The following CPED1 variants were observed in gnomAD, a reference collection of about 807,000 sequenced individuals.
CPED1 encodes cadherin like and PC-esterase domain containing 1, also known as cadherin-like and PC-esterase domain-containing protein 1.
In CPED1, 114 loss-of-function variants were observed where a neutral mutation model predicts 128.2. The observed-to-expected ratio is 0.89, with a 90% CI of 0.76 to 1.04. CPED1 has a LOEUF of 1.04. CPED1 is among the 50% of genes least tolerant of loss of function. The pLI, the probability that CPED1 is intolerant of heterozygous loss-of-function variation, is 0.00. For synonymous variants in CPED1, 462 were observed against 426.7 expected, an observed-to-expected ratio of 1.08 and a Z score of -1.02; for missense variants, 1,211 against 1,207.1, an observed-to-expected ratio of 1.00 and a Z score of -0.05.
At chr7:121,026,827 C>CTT (rs71170219) in intron 3 of CPED1, among the ~76,000 whole-genome samples, 16,596 of 83,012 alleles carry the variant, frequency 0.2, 1,886 homozygotes, top group Non-Finnish European at 0.23. Context: ...CCTGTCAGTT[C>CTT]TTTTTTTTTT....
chr7:121,129,315 A>ATATATATATATGCG (rs1795600517), intron 11 of CPED1, among the ~76,000 whole-genome samples: 1 of 95,886 alleles, frequency 1.0e-5, no homozygotes, highest in African/African-American at 4.4e-5. Context: ...ATATATACGT[A>ATATATATATATGCG]TATATATATA....
intron 16 of CPED1, among the ~76,000 whole-genome samples, chr7:121,226,715 T>C (rs1480232477): frequency 6.6e-6 from 1 of 152,240 alleles, no homozygotes; most frequent in Non-Finnish European, 1.5e-5. Flanking sequence ...TTTACATAAA[T>C]TGCTCTCTTC....
chr7:121,076,080 T>C (rs1794117959), intron 5 of CPED1, among the ~76,000 whole-genome samples: 2 of 152,126 alleles, frequency 1.3e-5, no homozygotes, highest in Non-Finnish European at 2.9e-5. Flanking sequence ...GTCCCTAATA[T>C]ATAATAGTCA....
chr7:121,012,667 T>G (rs986636241), intron 2 of CPED1, among the ~76,000 whole-genome samples: 2 of 152,226 alleles, frequency 1.3e-5, no homozygotes, highest in African/African-American at 4.8e-5. Flanking sequence ...ATTGGGCCAT[T>G]CTGCTGATAC....
In CPED1 at chr7:121,296,584, A is replaced by G. The variant is rs938806258; in HGVS notation, c.*932A>G. 6.6e-6 allele frequency: 1 copy of G among 152,136 alleles called. No individual in the cohort carries two copies. The highest frequency in any genetic ancestry group is 6.6e-5 in the Admixed American group (1 of 15,266). The allele number at this position is 152,136 out of a possible 1,614,324, so 9.4% of individuals were successfully genotyped here. Reference sequence around the variant, plus strand: ...GTGCTTTTTCCCACCAAGCATTTGCATATGTCCACAAATAGTATTATGTTA... The same window carrying G: ...GTGCTTTTTCCCACCAAGCATTTGCGTATGTCCACAAATAGTATTATGTTA... On this transcript the variant is annotated 3_prime_UTR_variant, in exon 23 of 23. Transcript: ENST00000310396.
Position 121,128,381 on chromosome 7 carries a change from G to A in CPED1, c.1303-1G>A, listed in dbSNP as rs375289028. On this transcript the variant is annotated splice_acceptor_variant, in intron 10 of 22. Coordinates refer to ENST00000310396, the MANE Select transcript of CPED1 (RefSeq NM_024913.5). LOFTEE classifies it high-confidence loss of function. ...TAAGTTCTTTCCCCCTACCAATACA[G>A]GGTGAAAACTATCAAAAGGAACTAA... The A allele has an allele frequency of 2.6e-6, 4 of 1,532,674 alleles. No homozygotes were observed. The African/African-American group carries it at 5.5e-5, about 21-fold the overall frequency. 94.9% of individuals were successfully genotyped at this position (1,532,674 alleles called of 1,614,324 possible).
intron 16 of CPED1, among the ~76,000 whole-genome samples, chr7:121,164,431 G>T (rs1254457523): frequency 6.6e-6 from 1 of 152,174 alleles, no homozygotes; most frequent in Non-Finnish European, 1.5e-5. Context: ...TCTTGTCACT[G>T]CTTTTCCTCA....
At chr7:121,044,650 C>G (rs34532100) in intron 3 of CPED1, among the ~76,000 whole-genome samples, 2 of 106,046 alleles carry the variant, frequency 1.9e-5, no homozygotes, top group African/African-American at 3.4e-5. Flanking sequence ...ACTTTCTGCT[C>G]TTTTTTTTTT....
intron 5 of CPED1, among the ~76,000 whole-genome samples, chr7:121,079,662 C>T (rs1333844550): frequency 1.3e-5 from 2 of 152,250 alleles, no homozygotes; most frequent in African/African-American, 2.4e-5. Flanking sequence ...AAACATTTGG[C>T]AGTTTGCTGA....
intron 4 of CPED1, among the ~76,000 whole-genome samples, chr7:121,047,384 A>G (rs1793226468): frequency 6.6e-6 from 1 of 152,170 alleles, no homozygotes; most frequent in South Asian, 2.1e-4. Context: ...AAAATTTCTA[A>G]TTACATTTTA....
At chr7:121,181,520 T>C (rs556267779) in intron 16 of CPED1, among the ~76,000 whole-genome samples, 3 of 152,146 alleles carry the variant, frequency 2.0e-5, no homozygotes, top group Non-Finnish European at 2.9e-5. Flanking sequence ...AAATACGTTA[T>C]TGATTTTTAA....
chr7:121,042,595 G>A (rs1793085740), intron 3 of CPED1, among the ~76,000 whole-genome samples: 1 of 152,152 alleles, frequency 6.6e-6, no homozygotes, highest in South Asian at 2.1e-4. Flanking sequence ...TCAAGAACAT[G>A]GCCACTAGAG....
chr7:121,136,976 A>G (rs1297917258), intron 14 of CPED1, among the ~76,000 whole-genome samples: 1 of 151,998 alleles, frequency 6.6e-6, no homozygotes, highest in African/African-American at 2.4e-5. Context: ...ATTGAGTTCT[A>G]TATAGCAAGA....
intron 4 of CPED1, among the ~76,000 whole-genome samples, chr7:121,055,781 T>C (rs1793482015): frequency 6.6e-6 from 1 of 151,938 alleles, no homozygotes. Flanking sequence ...ACAATTGTTT[T>C]ATAGAGATGT....
At chr7:121,270,184 A>G (rs950899622) in intron 21 of CPED1, among the ~76,000 whole-genome samples, 1 of 152,056 alleles carries the variant, frequency 6.6e-6, no homozygotes, top group African/African-American at 2.4e-5. Flanking sequence ...GGAGGGGACA[A>G]ATATTCAAAT....
At chr7:121,073,076 C>T (rs1051602104) in intron 5 of CPED1, among the ~76,000 whole-genome samples, 2 of 152,152 alleles carry the variant, frequency 1.3e-5, no homozygotes, top group East Asian at 1.9e-4. Context: ...TAACTTTTGA[C>T]TCCCCCAGAA....
At chr7:121,006,724 C>T (rs1172481039) in intron 2 of CPED1, among the ~76,000 whole-genome samples, 1 of 152,128 alleles carries the variant, frequency 6.6e-6, no homozygotes, top group African/African-American at 2.4e-5. Context: ...TCAAGACCAC[C>T]ATCTCTCAGC....
chr7:121,123,308 C>T (rs534516333), intron 7 of CPED1, among the ~76,000 whole-genome samples: 56 of 152,144 alleles, frequency 3.7e-4, no homozygotes, highest in Non-Finnish European at 6.2e-4. Flanking sequence ...ACACATTTAC[C>T]GTTTTTCCAC....
chr7:121,283,813 C>T (rs189924143), intron 22 of CPED1, among the ~76,000 whole-genome samples: 287 of 152,330 alleles, frequency 1.9e-3, no homozygotes, highest in South Asian at 3.5e-3. Flanking sequence ...GATACATGCC[C>T]TCATGGTCCC....
Sources: gnomAD v4.1 joint callset for allele counts (sites outside exome capture counted in the v4.1 genomes callset) on GRCh38, gnomAD v4.1.1 for gene constraint, MANE v1.5 for transcripts, NCBI Gene and HGNC (gene_info 2026-07-23, HGNC 2026-07-21) for gene names.